Variants in BRD2 observed in about 807,000 individuals in gnomAD.
BRD2 encodes the protein bromodomain containing 2.
In BRD2, 15 loss-of-function variants were observed where a neutral mutation model predicts 79.1. The ratio of observed to expected loss-of-function variants is 0.19; its 90% confidence interval spans 0.13 to 0.29. The LOEUF (loss-of-function observed/expected upper bound fraction) is 0.29, where lower values mean the gene tolerates loss of function less well. Ranked by LOEUF, BRD2 falls within the 10% of genes least tolerant of loss-of-function variation. BRD2 has a pLI of 1.00. For missense variants in BRD2, 1,053 were observed against 991.3 expected (o/e 1.06, Z -0.84); for synonymous variants, 488 against 358.6 (o/e 1.36, Z -4.08).
Position 32,977,912 on chromosome 6 carries a change from G to GGAGGAAGAT in BRD2, c.1491_1499dup (p.Asp501_Glu503dup). Reference sequence around the variant, plus strand: ...GTGAGAGCTCCTCTGAGGAAGAGGAGGAGGAAGATGAGGAGGACGAGGAGG... The same window carrying GGAGGAAGAT: ...GTGAGAGCTCCTCTGAGGAAGAGGAGGAGGAAGATGAGGAAGATGAGGAGGACGAGGAGG... On this transcript the variant is annotated inframe_insertion, in exon 9 of 13. Coordinates refer to ENST00000374825, the MANE Select transcript of BRD2 (RefSeq NM_005104.4). The GGAGGAAGAT allele has an allele frequency of 1.2e-6, 2 of 1,612,714 alleles. No homozygotes were observed. Among genetic ancestry groups the GGAGGAAGAT allele is most frequent in the Non-Finnish European group, 1.7e-6 (2 of 1,179,778 alleles).
intron 2 of BRD2, among the ~76,000 whole-genome samples, chr6:32,973,338 G>A (rs997094605): frequency 1.3e-5 from 2 of 152,104 alleles, no homozygotes; most frequent in Non-Finnish European, 1.5e-5. Context: ...GAGCGCTTAA[G>A]GGACTGGCAA....
rs762909117 is a variant in BRD2, at chr6:32,972,965, G to A, written c.29+38G>A. ...GAGCCGCGTGTGGGAAGGGGATGTT[G>A]CAGGGCGGCGGCACAGGGGTGTGGG... On this transcript the variant is annotated intron_variant, in intron 2 of 12. Transcript: ENST00000374825. 3.7e-6 allele frequency: 6 copies of A among 1,613,860 alleles called. No homozygotes were observed. The East Asian group carries it at 1.1e-4, about 30-fold the overall frequency.
intron 6 of BRD2, 28 bp from the exon 7 acceptor site, chr6:32,976,534 A>T (rs1778782001): frequency 6.3e-7 from 1 of 1,592,892 alleles, no homozygotes; most frequent in Non-Finnish European, 8.5e-7. Flanking sequence ...TTGGAGTGAC[A>T]GGTTCCCTAT....
Position 32,972,528 on chromosome 6 carries a change from T to G in BRD2, c.-371T>G. 2 of 347,756 alleles carry G rather than the reference T, an allele frequency of 5.8e-6. No individual in the cohort carries two copies. Among genetic ancestry groups the G allele is most frequent in the Non-Finnish European group, 1.1e-5 (2 of 188,620 alleles). 21.5% of individuals were successfully genotyped at this position (347,756 alleles called of 1,614,324 possible). Reference sequence around the variant, plus strand: ...CATCCGAGATCGAAACGGGACCTCGTCGGCCCCGTAGGGGCCCGACAAGAA... The same window carrying G: ...CATCCGAGATCGAAACGGGACCTCGGCGGCCCCGTAGGGGCCCGACAAGAA... On this transcript the variant is annotated 5_prime_UTR_variant, in exon 2 of 13. Transcript: ENST00000374825.
In BRD2 at chr6:32,971,865, C is replaced by T; in HGVS notation, c.-1034C>T. The T allele has an allele frequency of 2.9e-6, 2 of 700,376 alleles. No individual in the cohort carries two copies. Among genetic ancestry groups the T allele is most frequent in the Non-Finnish European group, 5.2e-6 (2 of 383,838 alleles). The allele number at this position is 700,376 out of a possible 1,614,324, so 43.4% of individuals were successfully genotyped here. ...GCGATGGCTTCCGCACCTCTTCCAA[C>T]CACCCTCTTTCCCTGGAGTCGGCGG... On this transcript the variant is annotated 5_prime_UTR_variant, in exon 2 of 13. Coordinates refer to ENST00000374825, the MANE Select transcript of BRD2 (RefSeq NM_005104.4).
In BRD2 at chr6:32,981,314, T is replaced by G. The variant is rs1392213113; in HGVS notation, c.*596T>G. ...AAATAAAGAAAATATTATTCAAGTT[T>G]TGAGTTACCTTAATATTTGCTTTTG... On this transcript the variant is annotated 3_prime_UTR_variant, in exon 13 of 13. Coordinates refer to ENST00000374825, the MANE Select transcript of BRD2 (RefSeq NM_005104.4). The G allele has an allele frequency of 1.3e-5, 2 of 152,262 alleles. No homozygotes were observed. Among genetic ancestry groups the G allele is most frequent in the African/African-American group, 4.8e-5 (2 of 41,430 alleles). 9.4% of individuals were successfully genotyped at this position (152,262 alleles called of 1,614,324 possible). A position where few individuals can be genotyped will look rare whatever the true frequency, so the allele number is the denominator to read the frequency against.
chr6:32,971,283 G>A (rs965032372), intron 1 of BRD2: 2 of 274,288 alleles, frequency 7.3e-6, no homozygotes, highest in Non-Finnish European at 1.4e-5. Flanking sequence ...TTTTTCGAAC[G>A]AGCAGAAATG....
In BRD2 at chr6:32,968,999, T is replaced by A; in HGVS notation, c.-1362T>A. 4.7e-6 allele frequency: 1 copy of A among 213,906 alleles called. No individual in the cohort carries two copies. Among genetic ancestry groups the A allele is most frequent in the Non-Finnish European group, 9.4e-6 (1 of 105,938 alleles). 13.3% of individuals were successfully genotyped at this position (213,906 alleles called of 1,614,324 possible). The stretch of plus-strand genomic sequence containing the variant: ...GGGGGGGTTGACACCCCGGATTACA[T>A]ACCCCGTACCAAGCCGAGGGCAACT... On this transcript the variant is annotated 5_prime_UTR_variant, in exon 1 of 13. Coordinates refer to ENST00000374825, the MANE Select transcript of BRD2 (RefSeq NM_005104.4).
Position 32,974,556 on chromosome 6 carries a change from G to A in BRD2, c.124G>A (p.Gly42Ser). 2 of 1,614,214 alleles carry A rather than the reference G, an allele frequency of 1.2e-6. No homozygotes were observed. Among genetic ancestry groups the A allele is most frequent in the Non-Finnish European group, 1.7e-6 (2 of 1,180,040 alleles). ...RIRKPSLLYE[G>S]FESPTMASVP... is the part of the protein sequence containing the mutation. ...TCGAAAACCCTCTCTCTTGTATGAG[G>A]GCTTTGAGAGCCCCACAATGGCTTC... is the stretch of plus-strand genomic sequence containing the variant. The change falls in exon 3 of 13, where the codon GGC becomes AGC. Residue 42 changes from glycine (G) to serine (S), a missense_variant. Physicochemically the swap from Gly to Ser is moderately conservative, Grantham distance 56. Transcript: ENST00000374825.
At chr6:32,975,067 GCTT>G in intron 3 of BRD2, 2 of 1,518,904 alleles carry the variant, frequency 1.3e-6, no homozygotes, top group Non-Finnish European at 1.8e-6. Flanking sequence ...AAAATTCTTA[GCTT>G]CTTCCTTTCC....
chr6:32,980,196 G>A, intron 11 of BRD2, 64 bp downstream of exon 11: 4 of 1,578,318 alleles, frequency 2.5e-6, no homozygotes, highest in Non-Finnish European at 3.4e-6. Context: ...GGTGGGGTCT[G>A]TTTGCATTCA....
chr6:32,972,374 C>A lies in BRD2; in HGVS notation c.-525C>A, dbSNP rs1241242935. 3.3e-6 allele frequency: 1 copy of A among 304,484 alleles called. No homozygotes were observed. Among genetic ancestry groups the A allele is most frequent in the Non-Finnish European group, 6.3e-6 (1 of 158,784 alleles). 18.9% of individuals were successfully genotyped at this position (304,484 alleles called of 1,614,324 possible). ...GGGCAGTACAGACCCCCTAGAAGCC[C>A]CTGGAGCTCCCCTTTTTCGGGCCCC... is the stretch of plus-strand genomic sequence containing the variant. On this transcript the variant is annotated 5_prime_UTR_variant, in exon 2 of 13. Coordinates refer to ENST00000374825, the MANE Select transcript of BRD2 (RefSeq NM_005104.4).
chr6:32,973,007 ACT>A (rs1354053939), intron 2 of BRD2, 80 bp downstream of exon 2: 41 of 1,613,362 alleles, frequency 2.5e-5, no homozygotes, highest in Non-Finnish European at 5.1e-6. Context: ...TGTTGGGAGT[ACT>A]GAGCGGCCCC....
Position 32,968,797 on chromosome 6 carries a change from CG to C in BRD2, c.-1563del, listed in dbSNP as rs1246316288. 1 of 135,996 alleles carries C rather than the reference CG, an allele frequency of 7.4e-6. No individual in the cohort carries two copies. Among genetic ancestry groups the C allele is most frequent in the Non-Finnish European group, 1.6e-5 (1 of 63,140 alleles). The allele number at this position is 135,996 out of a possible 1,614,324, so 8.4% of individuals were successfully genotyped here. A position where few individuals can be genotyped will look rare whatever the true frequency, so the allele number is the denominator to read the frequency against. ...CAGGAACGTTCGGAAAGCTGGTCCTCGTGGCTGGGGGAAAGGCGGGGGGTGG... is the reference window on the plus strand; with the variant it reads ...CAGGAACGTTCGGAAAGCTGGTCCTCTGGCTGGGGGAAAGGCGGGGGGTGG... On this transcript the variant is annotated 5_prime_UTR_variant, in exon 1 of 13. It introduces an in-frame stop codon into an upstream open reading frame of the 5' UTR. Transcript: ENST00000374825.
chr6:32,974,454 C>A lies in BRD2; in HGVS notation c.30-8C>A. ...GATATTGCCCTAATTTTGTTCCCAT[C>A]TTTACAGGCTCCCTGGGGAAGGGAA... On this transcript the variant is annotated splice_region_variant and splice_polypyrimidine_tract_variant and intron_variant, in intron 2 of 12. Transcript: ENST00000374825. The A allele has an allele frequency of 6.2e-7, 1 of 1,604,836 alleles. No homozygotes were observed. Among genetic ancestry groups the A allele is most frequent in the Non-Finnish European group, 8.5e-7 (1 of 1,173,312 alleles).
Position 32,972,711 on chromosome 6 carries a change from C to A in BRD2, c.-188C>A. The A allele has an allele frequency of 2.4e-6, 2 of 821,854 alleles. No individual in the cohort carries two copies. The highest frequency in any genetic ancestry group is 1.7e-5 in the South Asian group (1 of 59,866). The allele number at this position is 821,854 out of a possible 1,614,324, so 50.9% of individuals were successfully genotyped here. A position where few individuals can be genotyped will look rare whatever the true frequency, so the allele number is the denominator to read the frequency against. Reference sequence around the variant, plus strand: ...CCGTCTGCAGAGCGCGCCAAGCTGCCCGGAGCTCTCCGAGAGGCCCCAAAG... The same window carrying A: ...CCGTCTGCAGAGCGCGCCAAGCTGCACGGAGCTCTCCGAGAGGCCCCAAAG... On this transcript the variant is annotated 5_prime_UTR_variant, in exon 2 of 13. Transcript: ENST00000374825.
Position 32,972,164 on chromosome 6 carries a change from C to G in BRD2, c.-735C>G, listed in dbSNP as rs772370893. ...GAGCGGCGAAGCTCCTCCTCCCCGC[C>G]TATATATAAAGGGCTGGCGCGGGGC... On this transcript the variant is annotated 5_prime_UTR_variant, in exon 2 of 13. Transcript: ENST00000374825. 4.8e-6 allele frequency: 3 copies of G among 627,538 alleles called. No individual in the cohort carries two copies. The African/African-American group carries it at 5.5e-5, about 11-fold the overall frequency. 38.9% of individuals were successfully genotyped at this position (627,538 alleles called of 1,614,324 possible).
At chr6:32,978,707 A>G in intron 10 of BRD2, 1 of 406,618 alleles carries the variant, frequency 2.5e-6, no homozygotes, top group Admixed American at 4.2e-5. Context: ...ATGAGAATCT[A>G]ATGCTTCTGC....
chr6:32,972,203 T>G lies in BRD2; in HGVS notation c.-696T>G. On this transcript the variant is annotated 5_prime_UTR_variant, in exon 2 of 13. In the 5' UTR this introduces an upstream ATG that the reference lacks. Transcript: ENST00000374825. ...CTGGCGCGGGGCTCGGCGGCGCCAT[T>G]TCGTGCTGGAGTGGAGCAGCCTCTA... 1.9e-6 allele frequency: 1 copy of G among 538,882 alleles called. No homozygotes were observed. Among genetic ancestry groups the G allele is most frequent in the Non-Finnish European group, 3.4e-6 (1 of 295,360 alleles). The allele number at this position is 538,882 out of a possible 1,614,324, so 33.4% of individuals were successfully genotyped here.
Sources: gnomAD v4.1 joint callset for allele counts (sites outside exome capture counted in the v4.1 genomes callset) on GRCh38, gnomAD v4.1.1 for gene constraint, MANE v1.5 for transcripts, NCBI Gene and HGNC (gene_info 2026-07-23, HGNC 2026-07-21) for gene names.